CEP72: variants seen among roughly 807,000 people sequenced by gnomAD.
The protein encoded by CEP72 is centrosomal protein of 72 kDa.
In CEP72, 78 loss-of-function variants were observed where a neutral mutation model predicts 65.7. The ratio of observed to expected loss-of-function variants is 1.19; its 90% CI spans 0.99 to 1.43. The LOEUF (loss-of-function observed/expected upper bound fraction) is 1.43, where lower values mean the gene tolerates loss of function less well. Ranked by LOEUF, CEP72 falls within the 40% of genes most tolerant of loss-of-function variation. The pLI is 0.00. For synonymous variants in CEP72, 358 were observed against 351.7 expected, an observed-to-expected ratio of 1.02 and a Z score of -0.20; for missense variants, 914 against 832.9, an observed-to-expected ratio of 1.10 and a Z score of -1.20.
rs749546099 is a variant in CEP72, at chr5:653,063, G to A, written c.1854G>A (p.Glu618=). Reference sequence around the variant, plus strand: ...GGGCGCAGCACAGAGCCGAGGTGGAGCAGATGCACTGGAGCTACCAGGAGC... The same window carrying A: ...GGGCGCAGCACAGAGCCGAGGTGGAACAGATGCACTGGAGCTACCAGGAGC... ...QVRAQHRAEV[E]QMHWSYQELK... is the part of the protein sequence containing the mutation. Residue 618 remains glutamate, a synonymous_variant, in exon 12 of 12, where the codon GAG becomes GAA. Transcript: ENST00000264935. The A allele has an allele frequency of 1.2e-6, 2 of 1,613,842 alleles. No homozygotes were observed. Among genetic ancestry groups the A allele is most frequent in the African/African-American group, 2.7e-5 (2 of 74,956 alleles).
chr5:618,803 G>A (rs376957689), intron 1 of CEP72, among the ~76,000 whole-genome samples, 187 bp from the exon 2 acceptor site: 1 of 152,146 alleles, frequency 6.6e-6, no homozygotes, highest in Non-Finnish European at 1.5e-5. Context: ...GGTTTTGGCC[G>A]CACTAAACTG....
At position 640,560 on chromosome 5, in the gene CEP72, A is replaced by T. The variant is rs1737942345; in HGVS notation, c.1495A>T (p.Met499Leu). ...GCAGCAGCAGCAGCACGCCCGGGAG[A>T]TGAGCGAGGTGACGGCGGAGCTGCA... ...AEQQQQHARE[M>L]SEVTAELHHT... The change falls in exon 9 of 12, where the codon ATG becomes TTG. Residue 499 changes from methionine to leucine, a missense_variant. Transcript: ENST00000264935. 1.9e-6 allele frequency: 3 copies of T among 1,613,968 alleles called. No homozygotes were observed. The highest frequency in any genetic ancestry group is 2.5e-6 in the Non-Finnish European group (3 of 1,180,020).
At chr5:666,703 T>C (rs941011383) in intron 4 of CEP72, among the ~76,000 whole-genome samples, 3 of 152,084 alleles carry the variant, frequency 2.0e-5, no homozygotes, top group African/African-American at 7.3e-5. Context: ...GGAGGTGCCA[T>C]GAGAAGCTTC....
chr5:632,964 A>G (rs1737301576), intron 4 of CEP72, among the ~76,000 whole-genome samples: 1 of 88,914 alleles, frequency 1.1e-5, no homozygotes, highest in Non-Finnish European at 2.1e-5. Context: ...CAGTGCCGGG[A>G]TTTAGACCAG....
At chr5:658,024 A>G (rs1288239659), downstream of CEP72, among the ~76,000 whole-genome samples, 1 of 152,104 alleles carries the variant, frequency 6.6e-6, no homozygotes, top group Non-Finnish European at 1.5e-5. Context: ...ATTGGTCCAT[A>G]TTGTCTTAAT....
intron 4 of CEP72, among the ~76,000 whole-genome samples, chr5:626,217 T>A (rs918728641): frequency 2.0e-5 from 3 of 152,160 alleles, no homozygotes; most frequent in Non-Finnish European, 2.9e-5. Context: ...CGGTATACCT[T>A]TTATTTCCTT....
chr5:658,200 T>C (rs1258076491), downstream of CEP72, among the ~76,000 whole-genome samples: 2 of 152,256 alleles, frequency 1.3e-5, no homozygotes, highest in Non-Finnish European at 2.9e-5. Context: ...GCCACCATGC[T>C]GTCAGGCTGT....
chr5:643,345 G>A, intron 9 of CEP72: 1 of 985,482 alleles, frequency 1.0e-6, no homozygotes, highest in Non-Finnish European at 1.2e-6. Context: ...GGCAGGTCAT[G>A]CTGGTTGGCG....
chr5:647,752 G>A (rs1370009459), intron 10 of CEP72, 53 bp from the exon 11 acceptor site: 1 of 1,147,490 alleles, frequency 8.7e-7, no homozygotes, highest in Non-Finnish European at 1.3e-6. Flanking sequence ...TTTTCAAAAT[G>A]TATTAATGAG....
chr5:674,436 C>T, the CEP72 span, among the ~76,000 whole-genome samples: 1 of 150,860 alleles, frequency 6.6e-6, no homozygotes, highest in Admixed American at 6.6e-5. Context: ...ACACTGCGAA[C>T]CCCACCTGCT....
intron 2 of CEP72, among the ~76,000 whole-genome samples, chr5:619,593 G>C (rs898308526): frequency 6.6e-6 from 1 of 152,222 alleles, no homozygotes; most frequent in African/African-American, 2.4e-5. Flanking sequence ...CCTGCCCTGA[G>C]CCTGGTGCCT....
intron 7 of CEP72, 49 bp from the exon 8 acceptor site, chr5:639,040 G>A: frequency 6.2e-7 from 1 of 1,610,430 alleles, no homozygotes; most frequent in East Asian, 2.2e-5. Context: ...CTGGCATTCA[G>A]GACCTCAGTT....
chr5:665,164 C>G, intron 2 of CEP72: 1 of 1,613,614 alleles, frequency 6.2e-7, no homozygotes, highest in Non-Finnish European at 8.5e-7. Flanking sequence ...GACACATAGC[C>G]TGACTCGTCC....
At chr5:642,608 A>G (rs905244921) in intron 9 of CEP72, 15 of 985,342 alleles carry the variant, frequency 1.5e-5, no homozygotes, top group African/African-American at 3.5e-5. Context: ...GCTGCCGTGG[A>G]CGCCTGCTTT....
At chr5:649,091 G>A (rs1738696400) in intron 11 of CEP72, among the ~76,000 whole-genome samples, 1 of 148,086 alleles carries the variant, frequency 6.8e-6, no homozygotes, top group Non-Finnish European at 1.5e-5. Context: ...ACTGTGAGGT[G>A]TGACTGTGAG....
chr5:645,612 G>T lies in CEP72; in HGVS notation c.1666+1187G>T, dbSNP rs781714177. Among the ~76,000 whole-genome samples, 2 of 152,112 alleles carry T rather than the reference G, an allele frequency of 1.3e-5. No homozygotes were observed. The highest frequency in any genetic ancestry group is 2.4e-5 in the African/African-American group (1 of 41,412). On this transcript the variant is annotated intron_variant, in intron 10 of 11. Coordinates refer to ENST00000264935, the MANE Select transcript of CEP72 (RefSeq NM_018140.4). The surrounding 1 kb of genome is among the most constrained non-coding windows in gnomAD (Gnocchi z 4.0). ...TGCTGTGTCTGACCTGTCCCATCTC[G>T]AGTGAGTGCAGGCACCAGCCGCCCT...
At chr5:619,152 T>C (rs758591371) in intron 2 of CEP72, 35 bp downstream of exon 2, 26 of 1,595,698 alleles carry the variant, frequency 1.6e-5, no homozygotes, top group Middle Eastern at 1.7e-4. Context: ...AATTTATTGC[T>C]ATCAACATCA....
chr5:671,782 CAG>C, downstream of CEP72, among the ~76,000 whole-genome samples: 1 of 152,332 alleles, frequency 6.6e-6, no homozygotes, highest in East Asian at 1.9e-4. Context: ...TCCCCAAAGA[CAG>C]AACTGGCCCC....
At position 645,792 on chromosome 5, in the gene CEP72, C is replaced by G. The variant is rs1221550463; in HGVS notation, c.1666+1367C>G. Among the ~76,000 whole-genome samples the G allele has an allele frequency of 6.6e-6, 1 of 152,248 alleles. No individual in the cohort carries two copies. Among genetic ancestry groups the G allele is most frequent in the Non-Finnish European group, 1.5e-5 (1 of 68,056 alleles). On this transcript the variant is annotated intron_variant, in intron 10 of 11. Coordinates refer to ENST00000264935, the MANE Select transcript of CEP72 (RefSeq NM_018140.4). This position sits in a 1 kb window ranked among gnomAD's most constrained non-coding sequence, Gnocchi z 4.0. ...CGGTCTTAAATGTATGCATAGCTCCCATTTATTTTAGTGTTTAATGTTAGA... is the reference window on the plus strand; with the variant it reads ...CGGTCTTAAATGTATGCATAGCTCCGATTTATTTTAGTGTTTAATGTTAGA...
Sources: allele counts gnomAD v4.1 joint callset (sites outside exome capture counted in the v4.1 genomes callset), GRCh38; gene constraint gnomAD v4.1.1; non-coding constraint Gnocchi (gnomAD v3.1); transcripts MANE v1.5; gene names NCBI Gene and HGNC (gene_info 2026-07-23, HGNC 2026-07-21).